Variants in KRAS observed in about 807,000 individuals in gnomAD.
KRAS encodes the protein GTPase KRas.
In KRAS, 1 loss-of-function variant was observed where a neutral mutation model predicts 21.0. The observed-to-expected ratio is 0.05, with a 90% CI of 0.02 to 0.23. KRAS has a LOEUF of 0.23. Among genes scored for constraint, KRAS ranks in the 10% least tolerant of loss-of-function variants. The pLI, the probability that KRAS is intolerant of heterozygous loss-of-function variation, is 1.00. For missense variants in KRAS, 107 were observed against 221.8 expected (o/e 0.48, Z 3.29); for synonymous variants, 67 against 72.5 (o/e 0.92, Z 0.39).
At chr12:25,211,543 A>C (rs562659819) in intron 4 of KRAS, among the ~76,000 whole-genome samples, 238 of 152,206 alleles carry the variant, frequency 1.6e-3, no homozygotes, top group African/African-American at 5.6e-3. Context: ...GCACCACTGC[A>C]CTCCAGACTG....
intron 2 of KRAS, chr12:25,235,131 T>A: frequency 2.2e-6 from 1 of 450,622 alleles, no homozygotes; most frequent in Non-Finnish European, 4.1e-6. Flanking sequence ...GCTGAAAATG[T>A]CAATAATGTA....
At chr12:25,245,434 C>T in intron 1 of KRAS, 39 bp from the exon 2 acceptor site, 1 of 1,544,782 alleles carries the variant, frequency 6.5e-7, no homozygotes, top group African/African-American at 1.4e-5. Flanking sequence ...TATATTAGAA[C>T]ATGTCACACA....
At chr12:25,222,035 G>C (rs1290812508) in intron 4 of KRAS, among the ~76,000 whole-genome samples, 3 of 151,842 alleles carry the variant, frequency 2.0e-5, no homozygotes, top group Admixed American at 2.0e-4. Context: ...TGTAGTCCCA[G>C]CTACTTGGGA....
intron 4 of KRAS, chr12:25,210,677 T>C (rs1448103686): frequency 1.3e-5 from 2 of 152,200 alleles, no homozygotes; most frequent in African/African-American, 4.8e-5. Flanking sequence ...TTCTATCCCA[T>C]AAAGTTTTAA....
At chr12:25,224,584 A>G (rs1386310099) in intron 4 of KRAS, among the ~76,000 whole-genome samples, 1 of 152,206 alleles carries the variant, frequency 6.6e-6, no homozygotes, top group Non-Finnish European at 1.5e-5. Flanking sequence ...AAGTTACAGT[A>G]AAGTAAGGTT....
intron 4 of KRAS, among the ~76,000 whole-genome samples, chr12:25,219,308 G>A (rs1176049806): frequency 1.3e-5 from 2 of 148,774 alleles, no homozygotes; most frequent in South Asian, 2.2e-4. Flanking sequence ...CTGAAAATAC[G>A]TAGGAACAAA....
At chr12:25,244,762 T>C (rs902577113) in intron 2 of KRAS, among the ~76,000 whole-genome samples, 8 of 152,160 alleles carry the variant, frequency 5.3e-5, no homozygotes, top group African/African-American at 1.9e-4. Flanking sequence ...AGTACCTTTA[T>C]ATAAACCACA....
intron 1 of KRAS, among the ~76,000 whole-genome samples, chr12:25,246,782 T>C (rs4309240): frequency 0.39 from 59,615 of 151,462 alleles, 11,856 homozygotes; most frequent in African/African-American, 0.46. Flanking sequence ...CCGGGCGTGG[T>C]GGCGGGCGCC....
At chr12:25,246,492 A>G (rs1350130978) in intron 1 of KRAS, among the ~76,000 whole-genome samples, 3 of 152,078 alleles carry the variant, frequency 2.0e-5, no homozygotes, top group Non-Finnish European at 4.4e-5. Flanking sequence ...CGGGAGGCAG[A>G]GGTTGCAGTG....
intron 2 of KRAS, among the ~76,000 whole-genome samples, chr12:25,244,303 C>A (rs919400215): frequency 2.6e-5 from 4 of 152,082 alleles, no homozygotes; most frequent in Non-Finnish European, 5.9e-5. Context: ...GACTGCTTAA[C>A]CCAGGGTAAA....
chr12:25,227,060 C>T (rs1951402906), intron 3 of KRAS, among the ~76,000 whole-genome samples, 174 bp downstream of exon 3: 2 of 152,128 alleles, frequency 1.3e-5, no homozygotes, highest in South Asian at 4.1e-4. Flanking sequence ...GCAAGTTACT[C>T]CACTGCTCTA....
intron 2 of KRAS, among the ~76,000 whole-genome samples, chr12:25,235,765 G>A (rs543993416): frequency 1.3e-5 from 2 of 152,238 alleles, no homozygotes; most frequent in Middle Eastern, 3.4e-3. Context: ...TATAACTTTA[G>A]CTTAGAACAG....
At chr12:25,210,291 CT>C (rs1359093422) in intron 4 of KRAS, among the ~76,000 whole-genome samples, 1 of 152,042 alleles carries the variant, frequency 6.6e-6, no homozygotes, top group Non-Finnish European at 1.5e-5. Flanking sequence ...TGTTTCTGGA[CT>C]TTAGATATAA....
At chr12:25,228,531 A>G (rs756063288) in intron 2 of KRAS, among the ~76,000 whole-genome samples, 1 of 152,164 alleles carries the variant, frequency 6.6e-6, no homozygotes, top group Non-Finnish European at 1.5e-5. Flanking sequence ...ATACCACATA[A>G]TTCCACTTAT....
At chr12:25,249,586 T>A (rs1051987625) in intron 1 of KRAS, among the ~76,000 whole-genome samples, 1 of 2,176 alleles carries the variant, frequency 4.6e-4, no homozygotes, top group Non-Finnish European at 8.1e-3. Flanking sequence ...AGCGAGACTG[T>A]GTCTCAAAAA....
chr12:25,230,864 G>A (rs1281454920), intron 2 of KRAS, among the ~76,000 whole-genome samples: 4 of 152,080 alleles, frequency 2.6e-5, no homozygotes, highest in African/African-American at 4.8e-5. Context: ...CTCTTTAGTA[G>A]AGATTTGAGC....
intron 2 of KRAS, among the ~76,000 whole-genome samples, chr12:25,230,533 C>T (rs1167873069): frequency 1.3e-5 from 2 of 152,100 alleles, no homozygotes; most frequent in Non-Finnish European, 2.9e-5. Context: ...GAGGCTGAGG[C>T]AGGAGAATCA....
At chr12:25,227,499 T>A in intron 2 of KRAS, 87 bp from the exon 3 acceptor site, 1 of 1,258,432 alleles carries the variant, frequency 7.9e-7, no homozygotes, top group African/African-American at 1.5e-5. Context: ...AACAAAAAAT[T>A]CAATTTAAAA....
At chr12:25,214,254 G>A (rs1241958631) in intron 4 of KRAS, among the ~76,000 whole-genome samples, 1 of 152,132 alleles carries the variant, frequency 6.6e-6, no homozygotes, top group Non-Finnish European at 1.5e-5. Context: ...TTTATTTATA[G>A]AAGAACAAAA....
Sources: allele counts gnomAD v4.1 joint callset (sites outside exome capture counted in the v4.1 genomes callset), GRCh38; gene constraint gnomAD v4.1.1; transcripts MANE v1.5; gene names NCBI Gene and HGNC (gene_info 2026-07-23, HGNC 2026-07-21).